Variants in SLC25A21 observed in about 807,000 individuals in gnomAD.
SLC25A21 encodes the protein solute carrier family 25 member 21, also known as mitochondrial 2-oxodicarboxylate carrier.
A neutral mutation model predicts 43.8 loss-of-function variants in SLC25A21; 47 were observed. That is an observed-to-expected ratio of 1.07 (90% CI 0.85 to 1.37). The LOEUF (loss-of-function observed/expected upper bound fraction) is 1.37. Among genes scored for constraint, SLC25A21 ranks in the 40% most tolerant of loss-of-function variants. The pLI is 0.00. For synonymous variants in SLC25A21, 131 were observed against 121.3 expected (o/e 1.08, Z -0.52); for missense variants, 352 against 350.2 (o/e 1.00, Z -0.04).
intron 7 of SLC25A21, among the ~76,000 whole-genome samples, chr14:36,698,363 A>G (rs1441094983): frequency 6.6e-6 from 1 of 151,928 alleles, no homozygotes; most frequent in African/African-American, 2.4e-5. Context: ...CTTCATTTCA[A>G]CCTTGGTGAA....
At chr14:37,133,917 G>C (rs1339216862) in intron 1 of SLC25A21, among the ~76,000 whole-genome samples, 1 of 152,074 alleles carries the variant, frequency 6.6e-6, no homozygotes, top group Non-Finnish European at 1.5e-5. Context: ...TCACAGTACT[G>C]GGAGGCTCCT....
intron 3 of SLC25A21, among the ~76,000 whole-genome samples, chr14:36,735,214 G>A (rs1228830909): frequency 6.6e-6 from 1 of 152,134 alleles, no homozygotes; most frequent in Non-Finnish European, 1.5e-5. Flanking sequence ...CAGGGCATGA[G>A]CCAGTTTACT....
chr14:37,138,103 T>A (rs555094574), intron 1 of SLC25A21, among the ~76,000 whole-genome samples: 12 of 152,290 alleles, frequency 7.9e-5, no homozygotes, highest in African/African-American at 2.9e-4. Context: ...TCAATCACTT[T>A]GGATGTTAGA....
chr14:36,877,509 G>C (rs927916485), intron 1 of SLC25A21, among the ~76,000 whole-genome samples: 1 of 152,144 alleles, frequency 6.6e-6, no homozygotes, highest in African/African-American at 2.4e-5. Context: ...ACTTGCACTG[G>C]TTGCCCTCTA....
chr14:37,106,389 G>A (rs574405537), intron 1 of SLC25A21, among the ~76,000 whole-genome samples: 22 of 152,066 alleles, frequency 1.4e-4, no homozygotes, highest in South Asian at 1.0e-3. Flanking sequence ...GTCTATAAAC[G>A]GCTGCTCTGG....
At chr14:37,135,109 G>GT (rs1963457130) in intron 1 of SLC25A21, among the ~76,000 whole-genome samples, 1 of 152,022 alleles carries the variant, frequency 6.6e-6, no homozygotes, top group Non-Finnish European at 1.5e-5. Flanking sequence ...TGTACTTTTA[G>GT]TAGAGAAGGG....
chr14:37,171,370 T>C (rs565624356), intron 1 of SLC25A21, among the ~76,000 whole-genome samples: 1 of 152,150 alleles, frequency 6.6e-6, no homozygotes, highest in Non-Finnish European at 1.5e-5. Flanking sequence ...AAACTTTTAC[T>C]AGTCGAAGTT....
At position 36,772,013 on chromosome 14, in the gene SLC25A21, C is replaced by G. The variant is rs149729795; in HGVS notation, c.204-37440G>C. Among the ~76,000 whole-genome samples, 33 of 152,230 alleles carry G rather than the reference C, an allele frequency of 2.2e-4. No homozygotes were observed. In the East Asian group the frequency reaches 5.0e-3, roughly 23 times the overall value. ...CGCGAGCAGCATAAGGTGGGGCACA[C>G]CATTTTCCTTGGGGCCAACGAACAG... On this transcript the variant is annotated intron_variant, in intron 3 of 9. Transcript: ENST00000331299.
rs1465920382 is a variant in SLC25A21 at position 36,966,958 on chromosome 14, T to C, written c.71-91954A>G. On this transcript the variant is annotated intron_variant, in intron 1 of 9. Coordinates refer to ENST00000331299, the MANE Select transcript of SLC25A21 (RefSeq NM_030631.4). ...ACTTTTATTTCTCTATAAAGAAATA[T>C]AGGTATACTTTATTTCTCTATATAG... Among the ~76,000 whole-genome samples, 3 of 152,184 alleles carry C rather than the reference T, an allele frequency of 2.0e-5. No individual in the cohort carries two copies. In the East Asian group the frequency reaches 5.8e-4, roughly 29 times the overall value.
chr14:36,756,312 G>C lies in SLC25A21; in HGVS notation c.204-21739C>G, dbSNP rs114257012. Among the ~76,000 whole-genome samples, 1,269 of 152,294 alleles carry C rather than the reference G, an allele frequency of 8.3e-3. 13 individuals carry two copies. Among genetic ancestry groups the C allele is most frequent in the African/African-American group, 0.029 (1,217 of 41,562 alleles). On this transcript the variant is annotated intron_variant, in intron 3 of 9. Transcript: ENST00000331299. ...TGTTCGGCCGCCTCCTTCTGCACAT[G>C]TGTGGCCACCAGGGGATTGCCTGGC...
intron 3 of SLC25A21, among the ~76,000 whole-genome samples, chr14:36,801,232 T>C (rs1373821499): frequency 6.6e-6 from 1 of 152,124 alleles, no homozygotes; most frequent in Non-Finnish European, 1.5e-5. Flanking sequence ...TGCTGGAGTT[T>C]TTCCCCCTAG....
chr14:36,693,260 G>A (rs1882870542), intron 7 of SLC25A21, among the ~76,000 whole-genome samples: 1 of 152,178 alleles, frequency 6.6e-6, no homozygotes, highest in African/African-American at 2.4e-5. Flanking sequence ...GGATGAGAGC[G>A]TGGTTAGAGG....
At chr14:36,808,685 T>A (rs1438328432) in intron 3 of SLC25A21, among the ~76,000 whole-genome samples, 1 of 152,188 alleles carries the variant, frequency 6.6e-6, no homozygotes, top group African/African-American at 2.4e-5. Context: ...AGTTACCTTA[T>A]ACAAAACATG....
At chr14:37,115,866 T>C (rs937764349) in intron 1 of SLC25A21, among the ~76,000 whole-genome samples, 4 of 152,148 alleles carry the variant, frequency 2.6e-5, no homozygotes, top group Non-Finnish European at 5.9e-5. Context: ...ATGTTTCAGA[T>C]CCCATAACTG....
chr14:37,024,842 G>T (rs1413143419), intron 1 of SLC25A21, among the ~76,000 whole-genome samples: 1 of 151,850 alleles, frequency 6.6e-6, no homozygotes, highest in Non-Finnish European at 1.5e-5. Flanking sequence ...TATATATCTA[G>T]CTTCAGAAAT....
chr14:36,727,369 C>T (rs555860176), intron 5 of SLC25A21, among the ~76,000 whole-genome samples: 2 of 152,310 alleles, frequency 1.3e-5, no homozygotes, highest in African/African-American at 4.8e-5. Context: ...GCTATGCAAA[C>T]ACCATTGTTC....
Position 36,678,519 on chromosome 14 carries a change from A to G in SLC25A21, c.*2139T>C, listed in dbSNP as rs1431818710. 1 of 1,537,028 alleles carries G rather than the reference A, an allele frequency of 6.5e-7. No individual in the cohort carries two copies. Among genetic ancestry groups the G allele is most frequent in the Non-Finnish European group, 8.7e-7 (1 of 1,146,772 alleles). Reference sequence around the variant, plus strand: ...AAATAGACTATAAACTGAATGGAACAAAGATCCAATCCAATATTTTGGTGG... The same window carrying G: ...AAATAGACTATAAACTGAATGGAACGAAGATCCAATCCAATATTTTGGTGG... On this transcript the variant is annotated 3_prime_UTR_variant, in exon 10 of 10. Transcript: ENST00000331299.
At chr14:36,740,741 A>G (rs1319783178) in intron 3 of SLC25A21, among the ~76,000 whole-genome samples, 1 of 151,488 alleles carries the variant, frequency 6.6e-6, no homozygotes, top group Non-Finnish European at 1.5e-5. Context: ...GAAATTTCCT[A>G]TGAGTTCCAG....
chr14:36,869,069 G>A (rs961740845), intron 2 of SLC25A21, among the ~76,000 whole-genome samples: 4 of 152,144 alleles, frequency 2.6e-5, no homozygotes, highest in African/African-American at 7.2e-5. Context: ...TCTCTAGGTC[G>A]CCTCACAGTC....
Sources: gnomAD v4.1 joint callset for allele counts (sites outside exome capture counted in the v4.1 genomes callset) on GRCh38, gnomAD v4.1.1 for gene constraint, MANE v1.5 for transcripts, NCBI Gene and HGNC (gene_info 2026-07-23, HGNC 2026-07-21) for gene names.